The following ESF1 variants were observed in gnomAD, a reference collection of about 807,000 sequenced individuals.
ESF1 encodes ESF1 nucleolar pre-rRNA processing protein.
In ESF1, 58 loss-of-function variants were observed where a neutral mutation model predicts 92.0. That is an observed-to-expected ratio of 0.63 (90% confidence interval 0.51 to 0.78). The LOEUF (loss-of-function observed/expected upper bound fraction) is 0.78. Ranked by LOEUF, ESF1 falls within the 30% of genes least tolerant of loss-of-function variation. The probability of loss-of-function intolerance (pLI) is 0.00; values close to 1 mark genes in which losing one functional copy is unlikely to be tolerated. For synonymous variants in ESF1, 321 were observed against 313.7 expected, an observed-to-expected ratio of 1.02 and a Z score of -0.24; for missense variants, 922 against 989.1, an observed-to-expected ratio of 0.93 and a Z score of 0.91.
chr20:13,781,636 C>T (rs567417379), intron 2 of ESF1, among the ~76,000 whole-genome samples: 17 of 152,274 alleles, frequency 1.1e-4, no homozygotes, highest in Non-Finnish European at 1.5e-4. Flanking sequence ...GCTTCAAAGG[C>T]GCCATCTCTT....
At chr20:13,769,218 T>G (rs945901196) in intron 7 of ESF1, among the ~76,000 whole-genome samples, 14 of 152,186 alleles carry the variant, frequency 9.2e-5, no homozygotes, top group Middle Eastern at 3.2e-3. Flanking sequence ...TTTCCCTAGT[T>G]TCATTTAACT....
rs918395453 is a variant in ESF1, at chr20:13,759,812, T to C, written c.1708A>G (p.Lys570Glu). 2 of 1,600,482 alleles carry C rather than the reference T, an allele frequency of 1.2e-6. No homozygotes were observed. Among genetic ancestry groups the C allele is most frequent in the Non-Finnish European group, 1.7e-6 (2 of 1,176,542 alleles). Reference protein sequence around the residue: ...VNVEEDGKTKKSQKDDEEQIA... With the variant: ...VNVEEDGKTKESQKDDEEQIA... ...TGTTCTTCATCATCCTTCTGACTTT[T>C]CTTTGTTTTCCCATCTTCTTCTACA... The change falls in exon 9 of 14, where the codon AAA becomes GAA. Residue 570 changes from lysine to glutamate, a missense_variant. Coordinates refer to ENST00000617257, the MANE Select transcript of ESF1 (RefSeq NM_001276380.2).
At chr20:13,748,144 T>C (rs767704073) in intron 9 of ESF1, among the ~76,000 whole-genome samples, 2 of 152,222 alleles carry the variant, frequency 1.3e-5, no homozygotes, top group Non-Finnish European at 2.9e-5. Flanking sequence ...GCATTTTCCA[T>C]AGCTTGCCTT....
intron 10 of ESF1, among the ~76,000 whole-genome samples, chr20:13,729,875 T>C (rs1287421409): frequency 6.6e-6 from 1 of 152,180 alleles, no homozygotes; most frequent in South Asian, 2.1e-4. Flanking sequence ...ATCAAATCTA[T>C]ACAATAAATA....
chr20:13,778,959 T>A (rs928729895), intron 2 of ESF1, among the ~76,000 whole-genome samples: 5 of 151,990 alleles, frequency 3.3e-5, no homozygotes, highest in Non-Finnish European at 7.4e-5. Flanking sequence ...GGTGGGAGAA[T>A]CACCTGGGCC....
chr20:13,769,340 G>A (rs1027560228), intron 7 of ESF1, among the ~76,000 whole-genome samples: 2 of 152,154 alleles, frequency 1.3e-5, no homozygotes, highest in South Asian at 2.1e-4. Flanking sequence ...ACAGAAGAGT[G>A]TACAGGAAAG....
intron 9 of ESF1, among the ~76,000 whole-genome samples, chr20:13,748,540 A>ATGTGTG (rs753070186): frequency 1.8e-4 from 21 of 117,462 alleles, no homozygotes; most frequent in African/African-American, 6.5e-4. Flanking sequence ...ACACATATAT[A>ATGTGTG]TGTGTGTGTA....
intron 9 of ESF1, 37 bp from the exon 10 acceptor site, chr20:13,733,879 T>TAGG: frequency 6.4e-7 from 1 of 1,568,230 alleles, no homozygotes; most frequent in East Asian, 2.2e-5. Flanking sequence ...TTAAAATGTC[T>TAGG]TATTGTCTGG....
At chr20:13,733,135 A>G (rs1412458201) in intron 10 of ESF1, among the ~76,000 whole-genome samples, 1 of 151,166 alleles carries the variant, frequency 6.6e-6, no homozygotes, top group East Asian at 1.9e-4. Flanking sequence ...CATGTTGGCC[A>G]AGCTGGTCTT....
chr20:13,752,011 A>G (rs1379781131), intron 9 of ESF1, among the ~76,000 whole-genome samples: 1 of 152,064 alleles, frequency 6.6e-6, no homozygotes, highest in Non-Finnish European at 1.5e-5. Context: ...ATAAAATAAA[A>G]TAAAAATAAA....
At chr20:13,748,548 G>GTATATA (rs1232051296) in intron 9 of ESF1, among the ~76,000 whole-genome samples, 26 of 49,536 alleles carry the variant, frequency 5.2e-4, no homozygotes, top group African/African-American at 1.9e-3. Flanking sequence ...ATATGTGTGT[G>GTATATA]TATATATATA....
intron 4 of ESF1, among the ~76,000 whole-genome samples, chr20:13,773,244 T>C (rs566309256): frequency 5.9e-5 from 9 of 152,358 alleles, no homozygotes; most frequent in South Asian, 2.1e-4. Flanking sequence ...TAATATACAT[T>C]TGTTAATGAA....
rs188789040 is a variant in ESF1, at chr20:13,731,500, C to T, written c.1950+2221G>A. Among the ~76,000 whole-genome samples the T allele has an allele frequency of 4.5e-4, 64 of 142,346 alleles. 1 individual carries two copies. In the East Asian group the frequency reaches 0.012, roughly 27 times the overall value. The allele number at this position is 142,346 out of a possible 152,430, so 93.4% of individuals were successfully genotyped here. The stretch of plus-strand genomic sequence containing the variant: ...TGAGCCGAGATCAGGCCACTGGACT[C>T]CAGCCTGGGCGACAGAGCGAGACTC... On this transcript the variant is annotated intron_variant, in intron 10 of 13. Coordinates refer to ENST00000617257, the MANE Select transcript of ESF1 (RefSeq NM_001276380.2).
In ESF1 at chr20:13,776,084, T is replaced by C. The variant is rs113532876; in HGVS notation, c.824A>G (p.Asp275Gly). Residue 275 changes from aspartate to glycine, a missense_variant, in exon 3 of 14, where the codon GAT becomes GGT. Coordinates refer to ENST00000617257, the MANE Select transcript of ESF1 (RefSeq NM_001276380.2). ...CTCTTCATCTTCATCCTCCTCTTCA[T>C]CATCTTCACTTCCATCGTCATCACC... The part of the protein sequence containing the change: ...ASGDDDGSED[D>G]EEEDEDEEED... 6.2e-7 allele frequency: 1 copy of C among 1,613,876 alleles called. No individual in the cohort carries two copies. The highest frequency in any genetic ancestry group is 1.7e-5 in the Admixed American group (1 of 60,018).
Position 13,762,899 on chromosome 20 carries a change from TGCCCAGGCTGGAGTGCAGTG to T in ESF1, c.1667-3066_1667-3047del, listed in dbSNP as rs1474523817. 1.0e-5 allele frequency: 3 copies of T among 300,914 alleles called. No homozygotes were observed. In the Admixed American group the frequency reaches 1.5e-4, roughly 15 times the overall value. 18.6% of individuals were successfully genotyped at this position (300,914 alleles called of 1,614,324 possible). A position where few individuals can be genotyped will look rare whatever the true frequency, so the allele number is the denominator to read the frequency against. On this transcript the variant is annotated intron_variant, in intron 8 of 13. Coordinates refer to ENST00000617257, the MANE Select transcript of ESF1 (RefSeq NM_001276380.2). The stretch of plus-strand genomic sequence containing the variant: ...TTTTTGAGACAGAGTCTCACTCTGT[TGCCCAGGCTGGAGTGCAGTG>T]GCACGATCTCGGCTCACTGCAAGCT...
chr20:13,754,260 C>T (rs1978776547), intron 9 of ESF1, among the ~76,000 whole-genome samples: 1 of 152,140 alleles, frequency 6.6e-6, no homozygotes, highest in Non-Finnish European at 1.5e-5. Context: ...CACTGAAATG[C>T]CTTCTTTATT....
chr20:13,766,794 A>G lies in ESF1; in HGVS notation c.1649T>C (p.Ile550Thr), dbSNP rs3180370. The G allele has an allele frequency of 0.7, 1,123,403 of 1,612,766 alleles. 394,682 individuals are homozygous for G. The highest frequency in any genetic ancestry group is 0.89 in the East Asian group (39,954 of 44,792). ...AACAATACCTTGTAGCTCCTCTTCT[A>G]TCTCCTCTTCATCTTCACTAGAGGA... is the stretch of plus-strand genomic sequence containing the variant. Reference protein sequence around the residue: ...LASSSEDEEEIEEELQGDDGV... With the variant: ...LASSSEDEEETEEELQGDDGV... Residue 550 changes from isoleucine to threonine, a missense_variant, in exon 8 of 14, where the codon ATA becomes ACA. By Grantham distance (89) the Ile-to-Thr change is moderately conservative. Transcript: ENST00000617257.
chr20:13,716,340 C>T (rs1458387265), intron 13 of ESF1, among the ~76,000 whole-genome samples: 3 of 152,122 alleles, frequency 2.0e-5, no homozygotes, highest in Non-Finnish European at 4.4e-5. Flanking sequence ...AACACAGCAA[C>T]TGAAAAAACA....
chr20:13,728,570 TA>T, intron 10 of ESF1, 105 bp from the exon 11 acceptor site: 3 of 934,970 alleles, frequency 3.2e-6, no homozygotes, highest in Non-Finnish European at 4.8e-6. Context: ...TAGTTCAATC[TA>T]AAAGTAAATC....
Sources: allele counts gnomAD v4.1 joint callset (sites outside exome capture counted in the v4.1 genomes callset), GRCh38; gene constraint gnomAD v4.1.1; transcripts MANE v1.5; gene names NCBI Gene and HGNC (gene_info 2026-07-23, HGNC 2026-07-21).